The following SH2B2 variants were observed in gnomAD, a reference collection of about 807,000 sequenced individuals.
SH2B2 encodes the protein SH2B adapter protein 2.
Under a neutral mutation model 35.7 loss-of-function variants are expected in SH2B2, and 37 were observed. The ratio of observed to expected loss-of-function variants is 1.04; its 90% CI spans 0.80 to 1.36. SH2B2 has a LOEUF of 1.36. Among genes scored for constraint, SH2B2 ranks in the 40% most tolerant of loss-of-function variants. The pLI is 0.00. For synonymous variants in SH2B2, 383 were observed against 376.4 expected (o/e 1.02, Z -0.20); for missense variants, 852 against 817.7 (o/e 1.04, Z -0.51).
intron 4 of SH2B2, 26 bp from the exon 5 acceptor site, chr7:102,314,310 A>G (rs1196759509): frequency 1.3e-5 from 5 of 398,648 alleles, no homozygotes; most frequent in South Asian, 1.3e-4. Context: ...ACGGCAGGAC[A>G]TGGTTTCCAT....
At chr7:102,320,309 C>CCACA in intron 7 of SH2B2, 22 bp from the exon 8 acceptor site, 1 of 1,599,870 alleles carries the variant, frequency 6.3e-7, no homozygotes, top group Non-Finnish European at 8.5e-7. Context: ...CTGCCCCTGA[C>CCACA]CACACCCACC....
intron 7 of SH2B2, 111 bp downstream of exon 7, chr7:102,317,506 T>C: frequency 9.4e-7 from 1 of 1,062,844 alleles, no homozygotes; most frequent in Non-Finnish European, 1.3e-6. Context: ...GGCGAACAGG[T>C]GTGGCATGAC....
At chr7:102,315,928 T>A (rs1793813849) in intron 6 of SH2B2, among the ~76,000 whole-genome samples, 1 of 151,922 alleles carries the variant, frequency 6.6e-6, no homozygotes, top group African/African-American at 2.4e-5. Context: ...CACAGCTCTG[T>A]GCCTCAGTTT....
intron 1 of SH2B2, among the ~76,000 whole-genome samples, chr7:102,289,223 C>A (rs986505471): frequency 3.3e-5 from 5 of 152,170 alleles, no homozygotes; most frequent in Admixed American, 6.5e-5. Flanking sequence ...TCTCCACATA[C>A]TTCCGGGCCA....
rs139302871 is a variant in SH2B2, at chr7:102,287,835, T to C, written c.-30+741T>C. Among the ~76,000 whole-genome samples, 20 of 152,230 alleles carry C rather than the reference T, an allele frequency of 1.3e-4. No homozygotes were observed. In the East Asian group the frequency reaches 2.9e-3, roughly 22 times the overall value. Reference sequence around the variant, plus strand: ...CCCTGCAGCCCCGAAGTGGGGGCCTTCAGGGAGGGAAGTCTGCAGTGACTG... The same window carrying C: ...CCCTGCAGCCCCGAAGTGGGGGCCTCCAGGGAGGGAAGTCTGCAGTGACTG... On this transcript the variant is annotated intron_variant, in intron 1 of 8. Transcript: ENST00000444095.
rs945004765 is a variant in SH2B2, at chr7:102,314,444, G to A, written c.1015+17G>A. On this transcript the variant is annotated intron_variant, in intron 5 of 8. Coordinates refer to ENST00000444095, the MANE Select transcript of SH2B2 (RefSeq NM_001359228.2). ...TGACTGATGGTAGGTAGGGGGACAG[G>A]GTTGAAGGAGGGGCACACTCAGGGT... 3 of 398,788 alleles carry A rather than the reference G, an allele frequency of 7.5e-6. No homozygotes were observed. Among genetic ancestry groups the A allele is most frequent in the Non-Finnish European group, 8.8e-6 (2 of 226,202 alleles). 24.7% of individuals were successfully genotyped at this position (398,788 alleles called of 1,614,324 possible).
At chr7:102,302,523 G>GC (rs1376046112) in intron 2 of SH2B2, among the ~76,000 whole-genome samples, 2 of 152,200 alleles carry the variant, frequency 1.3e-5, no homozygotes, top group African/African-American at 4.8e-5. Flanking sequence ...CTCCAAGGTG[G>GC]CCCCCCTGCT....
chr7:102,321,244 G>T, intron 8 of SH2B2, 55 bp from the exon 9 acceptor site: 1 of 1,297,460 alleles, frequency 7.7e-7, no homozygotes, highest in Non-Finnish European at 9.8e-7. Context: ...CGGCCTCCCT[G>T]CAGGATGTGG....
chr7:102,286,356 G>A (rs570682937), upstream of SH2B2, among the ~76,000 whole-genome samples: 1 of 152,352 alleles, frequency 6.6e-6, no homozygotes, highest in East Asian at 1.9e-4. Context: ...CCTCCTCCAG[G>A]CTCCCATTGT....
chr7:102,300,150 A>G (rs1793086031), intron 1 of SH2B2, among the ~76,000 whole-genome samples: 1 of 152,060 alleles, frequency 6.6e-6, no homozygotes, highest in Admixed American at 6.5e-5. Context: ...CAGCCTTTCG[A>G]TGGCTAGGGT....
At chr7:102,307,314 C>T (rs2132987501) in intron 3 of SH2B2, among the ~76,000 whole-genome samples, 1 of 152,338 alleles carries the variant, frequency 6.6e-6, no homozygotes, top group African/African-American at 2.4e-5. Flanking sequence ...CACACCGCTG[C>T]CAGGGTGGCC....
intron 1 of SH2B2, among the ~76,000 whole-genome samples, chr7:102,299,365 A>G (rs1793059107): frequency 6.8e-6 from 1 of 146,828 alleles, no homozygotes; most frequent in South Asian, 2.2e-4. Flanking sequence ...TGCCCAGCTA[A>G]TTTTTGTATT....
At chr7:102,287,315 C>T (rs1247765275) in intron 1 of SH2B2, among the ~76,000 whole-genome samples, 1 of 151,910 alleles carries the variant, frequency 6.6e-6, no homozygotes, top group African/African-American at 2.4e-5. Flanking sequence ...GATCCCCATC[C>T]CGGGCGGGGC....
At chr7:102,285,693 G>A (rs1792416819), upstream of SH2B2, among the ~76,000 whole-genome samples, 1 of 152,218 alleles carries the variant, frequency 6.6e-6, no homozygotes, top group African/African-American at 2.4e-5. Context: ...ATGGCTCTGG[G>A]AAAAGTCAGA....
At chr7:102,302,991 T>C (rs1393631009) in intron 2 of SH2B2, among the ~76,000 whole-genome samples, 2 of 152,000 alleles carry the variant, frequency 1.3e-5, no homozygotes, top group African/African-American at 2.4e-5. Flanking sequence ...CCCAGCACTT[T>C]GGGAGGCCGA....
At position 102,300,690 on chromosome 7, in the gene SH2B2, G is replaced by T; in HGVS notation, c.140G>T (p.Arg47Leu). Reference protein sequence around the residue: ...DFAHKFCRFLRDNPAYDTPDA... With the variant: ...DFAHKFCRFLLDNPAYDTPDA... The stretch of plus-strand genomic sequence containing the variant: ...GCGCACAAGTTCTGCCGTTTCCTGC[G>T]GGACAACCCAGCTTACGACACGCCC... Residue 47 changes from arginine (R) to leucine (L), a missense_variant, in exon 2 of 9, where the codon CGG becomes CTG. By Grantham distance (102) the Arg-to-Leu change is moderately radical. Transcript: ENST00000444095. 1 of 1,546,162 alleles carries T rather than the reference G, an allele frequency of 6.5e-7. No individual in the cohort carries two copies. The highest frequency in any genetic ancestry group is 8.7e-7 in the Non-Finnish European group (1 of 1,143,172).
At chr7:102,313,599 T>C (rs1408564748) in intron 4 of SH2B2, among the ~76,000 whole-genome samples, 10 of 152,010 alleles carry the variant, frequency 6.6e-5, no homozygotes, top group Admixed American at 6.6e-5. Context: ...ATAATTTCTT[T>C]ATGACAAGTT....
Position 102,321,680 on chromosome 7 carries a change from G to A in SH2B2, c.*50G>A. 3.7e-6 allele frequency: 4 copies of A among 1,090,960 alleles called. No homozygotes were observed. The highest frequency in any genetic ancestry group is 3.3e-6 in the Non-Finnish European group (3 of 896,350). 67.6% of individuals were successfully genotyped at this position (1,090,960 alleles called of 1,614,324 possible). A position where few individuals can be genotyped will look rare whatever the true frequency, so the allele number is the denominator to read the frequency against. On this transcript the variant is annotated 3_prime_UTR_variant, in exon 9 of 9. Coordinates refer to ENST00000444095, the MANE Select transcript of SH2B2 (RefSeq NM_001359228.2). ...ACGCCAAGCTCTTCAGTGAAGACACGATGTTATTAAAAGCCTGTTTTAGGG... is the reference window on the plus strand; with the variant it reads ...ACGCCAAGCTCTTCAGTGAAGACACAATGTTATTAAAAGCCTGTTTTAGGG...
At chr7:102,296,089 C>G (rs1465492042) in intron 1 of SH2B2, among the ~76,000 whole-genome samples, 2 of 152,182 alleles carry the variant, frequency 1.3e-5, no homozygotes, top group Admixed American at 1.3e-4. Flanking sequence ...GTTTGGAAAC[C>G]TGTCCTTGAA....
Sources: gnomAD v4.1 joint callset for allele counts (sites outside exome capture counted in the v4.1 genomes callset) on GRCh38, gnomAD v4.1.1 for gene constraint, MANE v1.5 for transcripts, NCBI Gene and HGNC (gene_info 2026-07-23, HGNC 2026-07-21) for gene names.